BNC2: variants seen among roughly 807,000 people sequenced by gnomAD.
BNC2 encodes the protein zinc finger protein basonuclin-2.
BNC2 carries 20 observed loss-of-function variants against 76.3 expected under a neutral mutation model. The observed-to-expected ratio is 0.26, with a 90% CI of 0.18 to 0.38. The LOEUF (loss-of-function observed/expected upper bound fraction) is 0.38, where lower values mean the gene tolerates loss of function less well. Ranked by LOEUF, BNC2 falls within the 10% of genes least tolerant of loss-of-function variation. The probability of loss-of-function intolerance (pLI) is 1.00; values close to 1 mark genes in which losing one functional copy is unlikely to be tolerated. For missense variants in BNC2, 1,382 were observed against 1,399.8 expected (o/e 0.99, Z 0.20); for synonymous variants, 582 against 514.8 (o/e 1.13, Z -1.77).
At chr9:16,442,990 C>CCCAGCTA (rs1821158776) in intron 5 of BNC2, among the ~76,000 whole-genome samples, 2 of 150,884 alleles carry the variant, frequency 1.3e-5, no homozygotes, top group African/African-American at 4.9e-5. Flanking sequence ...CACCTCTAAC[C>CCCAGCTA]CCAGCTACTC....
At chr9:16,499,265 C>G (rs1822467092) in intron 5 of BNC2, among the ~76,000 whole-genome samples, 1 of 152,010 alleles carries the variant, frequency 6.6e-6, no homozygotes, top group East Asian at 1.9e-4. Context: ...GAGGCTCAGT[C>G]AGTTAAGTTA....
chr9:16,575,368 C>T (rs1819453819), intron 4 of BNC2: 1 of 985,286 alleles, frequency 1.0e-6, no homozygotes, highest in Admixed American at 6.1e-5. Context: ...GAGGCCAGGT[C>T]TTGCCAGCCT....
At chr9:16,508,335 T>A (rs112901416) in intron 5 of BNC2, among the ~76,000 whole-genome samples, 3,450 of 152,310 alleles carry the variant, frequency 0.023, 117 homozygotes, top group South Asian at 0.13. Context: ...GTATGTAGAA[T>A]TCTTGCCACA....
At chr9:16,752,089 T>G (rs894940924) in intron 1 of BNC2, among the ~76,000 whole-genome samples, 4 of 152,154 alleles carry the variant, frequency 2.6e-5, no homozygotes, top group Non-Finnish European at 4.4e-5. Context: ...TAACTTGAAC[T>G]CCTAGCTGAA....
intron 1 of BNC2, among the ~76,000 whole-genome samples, chr9:16,813,426 C>A (rs935149646): frequency 2.0e-5 from 3 of 151,950 alleles, no homozygotes; most frequent in Admixed American, 1.3e-4. Context: ...CCACTACGCC[C>A]GGCTAATTTT....
intron 3 of BNC2, among the ~76,000 whole-genome samples, chr9:16,632,583 G>A (rs1469697031): frequency 6.6e-6 from 1 of 152,138 alleles, no homozygotes; most frequent in Non-Finnish European, 1.5e-5. Context: ...CCAAAACTTA[G>A]AAAACTTATT....
Position 16,445,494 on chromosome 9 carries a change from T to G in BNC2, c.670-7970A>C, listed in dbSNP as rs1587035466. Among the ~76,000 whole-genome samples, 2 of 149,056 alleles carry G rather than the reference T, an allele frequency of 1.3e-5. 1 individual carries two copies. Among genetic ancestry groups the G allele is most frequent in the Middle Eastern group, 6.9e-3 (2 of 290 alleles). ...GTACCAAATGGTTCAAATTAGAACT[T>G]TTTTTTTTTTAAATCAACATTTGTT... On this transcript the variant is annotated intron_variant, in intron 5 of 6. Coordinates refer to ENST00000380672, the MANE Select transcript of BNC2 (RefSeq NM_017637.6).
chr9:16,491,708 G>T (rs1352974828), intron 5 of BNC2, among the ~76,000 whole-genome samples: 1 of 152,174 alleles, frequency 6.6e-6, no homozygotes, highest in East Asian at 1.9e-4. Context: ...TTGTTCACAT[G>T]TGCACTCGCT....
intron 5 of BNC2, among the ~76,000 whole-genome samples, chr9:16,449,386 G>A (rs1359850299): frequency 6.6e-6 from 1 of 152,048 alleles, no homozygotes; most frequent in Non-Finnish European, 1.5e-5. Flanking sequence ...CTAGCGCTTT[G>A]ACAGATTACC....
At chr9:16,764,737 C>CTG (rs1241275377) in intron 1 of BNC2, among the ~76,000 whole-genome samples, 7 of 31,500 alleles carry the variant, frequency 2.2e-4, no homozygotes, top group Non-Finnish European at 4.8e-4. Flanking sequence ...ACTTATTTGT[C>CTG]TGTTTTTTTT....
chr9:16,656,178 A>G (rs191998495), intron 3 of BNC2, among the ~76,000 whole-genome samples: 1 of 152,332 alleles, frequency 6.6e-6, no homozygotes, highest in African/African-American at 2.4e-5. Context: ...ACCAGTTCCA[A>G]GGCTGAGTAA....
chr9:16,630,262 A>C (rs1004467698), intron 3 of BNC2, among the ~76,000 whole-genome samples: 11 of 152,252 alleles, frequency 7.2e-5, no homozygotes, highest in Non-Finnish European at 5.9e-5. Context: ...AATAAAGAAT[A>C]CTAGTCTAAG....
chr9:16,605,331 A>G (rs150872127), intron 3 of BNC2, among the ~76,000 whole-genome samples: 74 of 152,318 alleles, frequency 4.9e-4, no homozygotes, highest in African/African-American at 1.6e-3. Context: ...TGTTCTAAAC[A>G]CTCTGAATGG....
At chr9:16,764,866 T>C (rs1030385549) in intron 1 of BNC2, among the ~76,000 whole-genome samples, 1 of 149,180 alleles carries the variant, frequency 6.7e-6, no homozygotes, top group African/African-American at 2.5e-5. Flanking sequence ...GAACTCAAAA[T>C]TATCCCAAAA....
At chr9:16,743,834 GT>G (rs1159728198) in intron 1 of BNC2, among the ~76,000 whole-genome samples, 1 of 152,172 alleles carries the variant, frequency 6.6e-6, no homozygotes, top group African/African-American at 2.4e-5. Flanking sequence ...GGCTTATGGT[GT>G]CAAAGGGTAT....
At chr9:16,725,985 A>AACACACAC (rs201355622) in intron 3 of BNC2, among the ~76,000 whole-genome samples, 6,840 of 142,320 alleles carry the variant, frequency 0.048, 259 homozygotes, top group Admixed American at 0.12. Flanking sequence ...CTTCCCTTCT[A>AACACACAC]ACACACACAC....
intron 5 of BNC2, among the ~76,000 whole-genome samples, chr9:16,495,929 A>C (rs10962454): frequency 0.17 from 24,264 of 145,866 alleles, 2,363 homozygotes; most frequent in East Asian, 0.28. Flanking sequence ...TTTTTTTAAG[A>C]TGGAGTTTCA....
At chr9:16,810,850 A>C (rs1239437828) in intron 1 of BNC2, among the ~76,000 whole-genome samples, 1 of 152,168 alleles carries the variant, frequency 6.6e-6, no homozygotes, top group Non-Finnish European at 1.5e-5. Flanking sequence ...TCTCTTTTTC[A>C]AGAGAAACCA....
chr9:16,658,683 A>G (rs949395198), intron 3 of BNC2, among the ~76,000 whole-genome samples: 4 of 152,198 alleles, frequency 2.6e-5, no homozygotes, highest in African/African-American at 9.7e-5. Flanking sequence ...CCCAGCATCA[A>G]TAAACAACTT....
Sources: allele counts gnomAD v4.1 joint callset (sites outside exome capture counted in the v4.1 genomes callset), GRCh38; gene constraint gnomAD v4.1.1; transcripts MANE v1.5; gene names NCBI Gene and HGNC (gene_info 2026-07-23, HGNC 2026-07-21).